The following CSMD2 variants were observed in gnomAD, a reference collection of about 807,000 sequenced individuals.
CSMD2 encodes CUB and sushi domain-containing protein 2.
CSMD2 carries 130 observed loss-of-function variants against 398.5 expected under a neutral mutation model. The observed-to-expected ratio is 0.33, with a 90% CI of 0.28 to 0.38. The LOEUF (loss-of-function observed/expected upper bound fraction) is 0.38, where lower values mean the gene tolerates loss of function less well. Among genes scored for constraint, CSMD2 ranks in the 10% least tolerant of loss-of-function variants. CSMD2 has a pLI of 1.00. For missense variants in CSMD2, 3,829 were observed against 4,764.9 expected, an observed-to-expected ratio of 0.80 and a Z score of 5.78; for synonymous variants, 1,828 against 1,908.5, an observed-to-expected ratio of 0.96 and a Z score of 1.10.
intron 19 of CSMD2, among the ~76,000 whole-genome samples, chr1:33,718,582 AT>A (rs1646252273): frequency 6.6e-6 from 1 of 152,196 alleles, no homozygotes; most frequent in Non-Finnish European, 1.5e-5. Flanking sequence ...TACTCAAAGT[AT>A]GGTCCATGAA....
At chr1:34,057,224 C>CT (rs2148246314) in intron 2 of CSMD2, among the ~76,000 whole-genome samples, 1 of 152,250 alleles carries the variant, frequency 6.6e-6, no homozygotes, top group Admixed American at 6.5e-5. Context: ...GGTCTCTCTG[C>CT]TTGATTCCAT....
chr1:33,772,530 A>C, intron 13 of CSMD2, 39 bp downstream of exon 13: 1 of 1,580,476 alleles, frequency 6.3e-7, no homozygotes, highest in South Asian at 1.1e-5. Context: ...CCTGCCTCTC[A>C]GTGAAGACCC....
intron 3 of CSMD2, among the ~76,000 whole-genome samples, chr1:34,008,608 G>A (rs4652979): frequency 0.065 from 9,831 of 152,290 alleles, 395 homozygotes; most frequent in East Asian, 0.098. Context: ...AGAACAATAG[G>A]TTCACGTTCA....
intron 5 of CSMD2, among the ~76,000 whole-genome samples, chr1:33,907,422 C>T (rs968327534): frequency 2.4e-4 from 36 of 152,194 alleles, no homozygotes; most frequent in African/African-American, 8.2e-4. Context: ...CCACCACACC[C>T]GGCCCTTTGA....
At chr1:33,847,441 C>T (rs1638345104) in intron 5 of CSMD2, among the ~76,000 whole-genome samples, 1 of 151,906 alleles carries the variant, frequency 6.6e-6, no homozygotes, top group East Asian at 1.9e-4. Context: ...GGCTTTGAAG[C>T]ACAGATTTGG....
chr1:33,705,405 C>T (rs1645742222), intron 22 of CSMD2, among the ~76,000 whole-genome samples: 1 of 152,148 alleles, frequency 6.6e-6, no homozygotes, highest in African/African-American at 2.4e-5. Flanking sequence ...CATTATCTCC[C>T]CATTCCCTCA....
chr1:34,064,145 G>T (rs1654853741), intron 2 of CSMD2, among the ~76,000 whole-genome samples: 1 of 152,150 alleles, frequency 6.6e-6, no homozygotes, highest in African/African-American at 2.4e-5. Flanking sequence ...CGCTGTGAAG[G>T]TCTCTGACAT....
intron 3 of CSMD2, among the ~76,000 whole-genome samples, chr1:33,945,759 C>A (rs773003207): frequency 1.3e-5 from 2 of 152,100 alleles, no homozygotes; most frequent in African/African-American, 2.4e-5. Flanking sequence ...CTTCATCCTG[C>A]GGCCTATGTG....
chr1:33,620,804 G>GTTT (rs1641719240), intron 37 of CSMD2, among the ~76,000 whole-genome samples: 9 of 139,176 alleles, frequency 6.5e-5, no homozygotes, highest in Admixed American at 2.8e-4. Flanking sequence ...GCTGTCCTGG[G>GTTT]TCTTTTTTTT....
At chr1:33,865,067 G>A (rs1214592026) in intron 5 of CSMD2, among the ~76,000 whole-genome samples, 3 of 150,992 alleles carry the variant, frequency 2.0e-5, no homozygotes, top group Non-Finnish European at 4.4e-5. Context: ...CCACTGGGTG[G>A]GAGCCTCCAG....
intron 50 of CSMD2, 110 bp downstream of exon 50, chr1:33,572,391 GTTTTT>G (rs34459850): frequency 1.1e-4 from 87 of 823,610 alleles, no homozygotes; most frequent in Admixed American, 9.2e-4. Flanking sequence ...CCATGTCCAT[GTTTTT>G]TTTTTTTTTT....
chr1:33,980,465 GA>G (rs1322170113), intron 3 of CSMD2, among the ~76,000 whole-genome samples: 1 of 152,228 alleles, frequency 6.6e-6, no homozygotes, highest in African/African-American at 2.4e-5. Flanking sequence ...GAGAGACAAA[GA>G]ATGATTCATT....
At chr1:33,832,369 C>T (rs1023374286) in intron 6 of CSMD2, among the ~76,000 whole-genome samples, 6 of 149,182 alleles carry the variant, frequency 4.0e-5, no homozygotes, top group East Asian at 2.0e-4. Flanking sequence ...GACTCAAAAC[C>T]GCTCAACTAC....
At chr1:34,044,121 C>A (rs1226950084) in intron 2 of CSMD2, among the ~76,000 whole-genome samples, 1 of 152,060 alleles carries the variant, frequency 6.6e-6, no homozygotes, top group Non-Finnish European at 1.5e-5. Flanking sequence ...TCCTATGAGT[C>A]CTAATAAATC....
At chr1:33,907,602 A>G (rs1341692631) in intron 5 of CSMD2, among the ~76,000 whole-genome samples, 1 of 152,168 alleles carries the variant, frequency 6.6e-6, no homozygotes. Flanking sequence ...TACCTCGTCC[A>G]TGAAGCCACC....
At chr1:33,606,496 G>A (rs779258468) in intron 41 of CSMD2, among the ~76,000 whole-genome samples, 1 of 152,238 alleles carries the variant, frequency 6.6e-6, no homozygotes, top group African/African-American at 2.4e-5. Context: ...GGAAATCATT[G>A]AGGTAATTGG....
At chr1:33,660,231 G>A (rs1644088196) in intron 26 of CSMD2, among the ~76,000 whole-genome samples, 1 of 152,214 alleles carries the variant, frequency 6.6e-6, no homozygotes, top group African/African-American at 2.4e-5. Context: ...TGCCCATACT[G>A]TAAGGGTTTT....
At chr1:33,927,725 C>T (rs146203463) in intron 4 of CSMD2, among the ~76,000 whole-genome samples, 1 of 152,232 alleles carries the variant, frequency 6.6e-6, no homozygotes, top group African/African-American at 2.4e-5. Flanking sequence ...CTGGAAGCAC[C>T]AGACCCTGGA....
At chr1:34,092,429 T>C (rs925186634) in intron 1 of CSMD2, among the ~76,000 whole-genome samples, 1 of 152,118 alleles carries the variant, frequency 6.6e-6, no homozygotes, top group Non-Finnish European at 1.5e-5. Flanking sequence ...TAGGAACAGC[T>C]CCCGTCCACA....
Sources: allele counts gnomAD v4.1 joint callset (sites outside exome capture counted in the v4.1 genomes callset), GRCh38; gene constraint gnomAD v4.1.1; transcripts MANE v1.5; gene names NCBI Gene and HGNC (gene_info 2026-07-23, HGNC 2026-07-21).